The following OPCML variants were observed in gnomAD, a reference collection of about 807,000 sequenced individuals.
The protein encoded by OPCML is opioid-binding protein/cell adhesion molecule.
A neutral mutation model predicts 37.8 loss-of-function variants in OPCML; 13 were observed. The ratio of observed to expected loss-of-function variants is 0.34; its 90% CI spans 0.22 to 0.55. OPCML has a LOEUF of 0.55. OPCML is among the 20% of genes least tolerant of loss of function. The pLI is 0.91. For synonymous variants in OPCML, 176 were observed against 168.8 expected (o/e 1.04, Z -0.33); for missense variants, 341 against 435.6 (o/e 0.78, Z 1.93).
intron 2 of OPCML, among the ~76,000 whole-genome samples, chr11:132,904,216 A>G (rs1320680700): frequency 1.3e-5 from 2 of 152,212 alleles, no homozygotes; most frequent in Non-Finnish European, 2.9e-5. Context: ...AACACTTTTC[A>G]CCTATTTGGC....
At chr11:133,233,407 C>T (rs1940369994) in intron 1 of OPCML, among the ~76,000 whole-genome samples, 1 of 152,290 alleles carries the variant, frequency 6.6e-6, no homozygotes. Flanking sequence ...AGGTGCCCTC[C>T]CTGTACCAGG....
intron 1 of OPCML, among the ~76,000 whole-genome samples, chr11:133,437,859 T>C (rs1442627761): frequency 6.6e-6 from 1 of 152,190 alleles, no homozygotes. Flanking sequence ...GAGATTTTTA[T>C]TTTAAACCTA....
intron 1 of OPCML, among the ~76,000 whole-genome samples, chr11:133,341,449 T>C (rs1592216911): frequency 6.6e-6 from 1 of 152,264 alleles, no homozygotes; most frequent in East Asian, 1.9e-4. Context: ...TTTGACTGAC[T>C]TTCAGGTGCC....
intron 1 of OPCML, among the ~76,000 whole-genome samples, chr11:132,951,584 G>A (rs1203318814): frequency 6.6e-6 from 1 of 152,168 alleles, no homozygotes; most frequent in African/African-American, 2.4e-5. Context: ...GTGAAATACT[G>A]CATGTAAAAT....
chr11:132,679,346 A>T (rs1942840640), intron 2 of OPCML, among the ~76,000 whole-genome samples: 1 of 152,218 alleles, frequency 6.6e-6, no homozygotes, highest in Non-Finnish European at 1.5e-5. Flanking sequence ...AATAGCCCAA[A>T]TGTTAACTGA....
rs1565468938 is a variant in OPCML, at chr11:133,140,994, A to AAGACGAAGAC, written c.62-197985_62-197984insGTCTTCGTCT. On this transcript the variant is annotated intron_variant, in intron 1 of 7. Coordinates refer to ENST00000524381, the MANE Select transcript of OPCML (RefSeq NM_001012393.5). Reference sequence around the variant, plus strand: ...AAGAAGAAGAAGAAGAAGAAGAAGAAGAAGACGACGACGACGACGACGACG... The same window carrying AAGACGAAGAC: ...AAGAAGAAGAAGAAGAAGAAGAAGAAAGACGAAGACGAAGACGACGACGACGACGACGACG... Among the ~76,000 whole-genome samples, 14 of 4,084 alleles carry AAGACGAAGAC rather than the reference A, an allele frequency of 3.4e-3. 7 individuals carry two copies. The highest frequency in any genetic ancestry group is 6.0e-3 in the African/African-American group (14 of 2,318). 2.7% of individuals were successfully genotyped at this position (4,084 alleles called of 152,430 possible).
intron 1 of OPCML, among the ~76,000 whole-genome samples, chr11:133,356,925 T>A (rs993629125): frequency 1.3e-5 from 2 of 152,240 alleles, no homozygotes; most frequent in African/African-American, 4.8e-5. Flanking sequence ...ACAAACTTCC[T>A]TGTCATCTTA....
At chr11:133,258,471 C>T (rs972044983) in intron 1 of OPCML, among the ~76,000 whole-genome samples, 4 of 152,160 alleles carry the variant, frequency 2.6e-5, no homozygotes, top group African/African-American at 9.7e-5. Flanking sequence ...AGTCTCTCTT[C>T]ATCACCTTAG....
intron 1 of OPCML, among the ~76,000 whole-genome samples, chr11:133,513,395 C>G (rs1334387453): frequency 6.6e-6 from 1 of 152,180 alleles, no homozygotes; most frequent in African/African-American, 2.4e-5. Context: ...TTGGATTACT[C>G]CTTTCTTCCA....
intron 2 of OPCML, among the ~76,000 whole-genome samples, chr11:132,837,625 A>G (rs935329742): frequency 6.6e-6 from 1 of 152,224 alleles, no homozygotes; most frequent in Non-Finnish European, 1.5e-5. Flanking sequence ...ATACATACAA[A>G]GGTGTGCAGG....
At chr11:132,812,804 T>A (rs1462417126) in intron 2 of OPCML, among the ~76,000 whole-genome samples, 1 of 152,232 alleles carries the variant, frequency 6.6e-6, no homozygotes, top group African/African-American at 2.4e-5. Context: ...CCAACTTAAA[T>A]TCTCCTTGAG....
At chr11:132,640,171 G>A (rs907022972) in intron 3 of OPCML, among the ~76,000 whole-genome samples, 4 of 152,186 alleles carry the variant, frequency 2.6e-5, no homozygotes, top group Non-Finnish European at 4.4e-5. Flanking sequence ...AGGAGAAAGA[G>A]CGAGGCAGGA....
At chr11:133,204,308 C>T (rs1419970583) in intron 1 of OPCML, among the ~76,000 whole-genome samples, 1 of 152,178 alleles carries the variant, frequency 6.6e-6, no homozygotes, top group Admixed American at 6.5e-5. Context: ...ATTTCTATTT[C>T]GTCATTCACA....
chr11:132,827,330 CATGGGA>C (rs1479888102), intron 2 of OPCML, among the ~76,000 whole-genome samples: 1 of 152,168 alleles, frequency 6.6e-6, no homozygotes, highest in Non-Finnish European at 1.5e-5. Context: ...CATCATACGT[CATGGGA>C]GTTGCAAATT....
chr11:133,324,011 C>T (rs1943396006), intron 1 of OPCML, among the ~76,000 whole-genome samples: 1 of 152,172 alleles, frequency 6.6e-6, no homozygotes, highest in African/African-American at 2.4e-5. Flanking sequence ...TGGGAGAGAG[C>T]TTTGAACTGA....
intron 2 of OPCML, among the ~76,000 whole-genome samples, chr11:132,890,239 A>T (rs182820455): frequency 2.0e-5 from 3 of 152,328 alleles, no homozygotes; most frequent in Admixed American, 6.5e-5. Context: ...ACTTCAAAGA[A>T]GTCCTATAAT....
chr11:133,225,712 T>C (rs547945348), intron 1 of OPCML, among the ~76,000 whole-genome samples: 1 of 152,236 alleles, frequency 6.6e-6, no homozygotes, highest in Admixed American at 6.5e-5. Flanking sequence ...AGTCAGGTAG[T>C]TTTGATAAAG....
intron 2 of OPCML, among the ~76,000 whole-genome samples, chr11:132,680,523 C>A (rs752094747): frequency 3.2e-4 from 49 of 152,180 alleles, no homozygotes; most frequent in Non-Finnish European, 4.4e-4. Context: ...AGGTTCGGAA[C>A]CTTCAAGAGA....
intron 1 of OPCML, among the ~76,000 whole-genome samples, chr11:133,207,787 A>AT (rs1939153624): frequency 6.6e-6 from 1 of 152,124 alleles, no homozygotes; most frequent in East Asian, 1.9e-4. Context: ...TTCTAGATAC[A>AT]TTGCCGTCAC....
Sources: gnomAD v4.1 joint callset for allele counts (sites outside exome capture counted in the v4.1 genomes callset) on GRCh38, gnomAD v4.1.1 for gene constraint, MANE v1.5 for transcripts, NCBI Gene and HGNC (gene_info 2026-07-23, HGNC 2026-07-21) for gene names.